The following SPIRE1 variants were observed in gnomAD, a reference collection of about 807,000 sequenced individuals.
SPIRE1 encodes the protein spire type actin nucleation factor 1.
SPIRE1 carries 40 observed loss-of-function variants against 94.1 expected under a neutral mutation model. That is an observed-to-expected ratio of 0.43 (90% confidence interval 0.33 to 0.55). SPIRE1 has a LOEUF of 0.55. Ranked by LOEUF, SPIRE1 falls within the 20% of genes least tolerant of loss-of-function variation. The pLI, the probability that SPIRE1 is intolerant of heterozygous loss-of-function variation, is 0.06. For missense variants in SPIRE1, 838 were observed against 975.2 expected (o/e 0.86, Z 1.87); for synonymous variants, 376 against 371.7 (o/e 1.01, Z -0.13).
intron 2 of SPIRE1, among the ~76,000 whole-genome samples, chr18:12,617,430 G>C (rs2037344380): frequency 6.6e-6 from 1 of 151,566 alleles, no homozygotes; most frequent in African/African-American, 2.4e-5. Flanking sequence ...GTTTGTTTTG[G>C]AGACAGAGTT....
At chr18:12,458,125 T>A (rs1238911498) in intron 12 of SPIRE1, among the ~76,000 whole-genome samples, 1 of 151,368 alleles carries the variant, frequency 6.6e-6, no homozygotes, top group African/African-American at 2.4e-5. Context: ...ATTACAGGCG[T>A]GAGCCACTGT....
chr18:12,560,329 A>C (rs1280693721), intron 2 of SPIRE1, among the ~76,000 whole-genome samples: 1 of 152,218 alleles, frequency 6.6e-6, no homozygotes, highest in Non-Finnish European at 1.5e-5. Flanking sequence ...ATTTGGAAAC[A>C]ACCTAAGTGT....
At chr18:12,513,489 CTTTATTTATTTATTTATTTATTTATTTA>C (rs10580270) in intron 4 of SPIRE1, among the ~76,000 whole-genome samples, 1 of 142,928 alleles carries the variant, frequency 7.0e-6, no homozygotes, top group South Asian at 2.3e-4. Flanking sequence ...GAATACTTAA[CTTTATTTATTTATTTATTTATTTATTTA>C]TTTATTTATT....
intron 2 of SPIRE1, among the ~76,000 whole-genome samples, chr18:12,622,485 C>G (rs1392892885): frequency 3.0e-5 from 4 of 135,364 alleles, no homozygotes; most frequent in Non-Finnish European, 4.6e-5. Flanking sequence ...TGCAGTGGCG[C>G]GATCTTGGCT....
At chr18:12,661,293 A>C, upstream of SPIRE1, 1 of 802,186 alleles carries the variant, frequency 1.2e-6, no homozygotes. Flanking sequence ...GGGTGACAAG[A>C]GTGAGCCTTC....
At chr18:12,637,836 G>A (rs1048607468) in intron 1 of SPIRE1, among the ~76,000 whole-genome samples, 2 of 152,202 alleles carry the variant, frequency 1.3e-5, no homozygotes, top group African/African-American at 4.8e-5. Flanking sequence ...AACAATGATA[G>A]AGGAGTGCCA....
intron 8 of SPIRE1, among the ~76,000 whole-genome samples, chr18:12,491,697 C>T (rs1289150656): frequency 6.6e-6 from 1 of 152,090 alleles, no homozygotes; most frequent in Non-Finnish European, 1.5e-5. Context: ...GACACAACAA[C>T]GAACAAGACA....
chr18:12,631,593 A>G (rs1208929590), intron 2 of SPIRE1, among the ~76,000 whole-genome samples: 3 of 151,024 alleles, frequency 2.0e-5, no homozygotes, highest in Non-Finnish European at 4.4e-5. Flanking sequence ...ATAAAAAAAC[A>G]GGCCAGGCAC....
chr18:12,492,918 G>A (rs1163158114), intron 8 of SPIRE1, among the ~76,000 whole-genome samples, 154 bp downstream of exon 8: 2 of 152,116 alleles, frequency 1.3e-5, no homozygotes, highest in African/African-American at 4.8e-5. Context: ...GTGAGAGGGG[G>A]TATGTATACG....
rs2037965607 is a variant in SPIRE1, at chr18:12,637,446, GT to G, written c.338-2351del. ...AAGAGAATTACAAAGAAATCTATAA[GT>G]TTTTGTAGTACGTTTCTTGTTGGTA... On this transcript the variant is annotated intron_variant, in intron 1 of 16. Transcript: ENST00000409402. Among the ~76,000 whole-genome samples the G allele has an allele frequency of 2.0e-5, 3 of 151,846 alleles. No homozygotes were observed. In the South Asian group the frequency reaches 6.3e-4, roughly 32 times the overall value.
At position 12,453,664 on chromosome 18, in the gene SPIRE1, G is replaced by C. The variant is rs138157259; in HGVS notation, c.1777-526C>G. Among the ~76,000 whole-genome samples the C allele has an allele frequency of 9.6e-3, 1,456 of 152,132 alleles. 34 individuals carry two copies. The highest frequency in any genetic ancestry group is 0.033 in the African/African-American group (1,384 of 41,502). ...TTAGCCAGGATGGTCTCGATCTCCT[G>C]ACCTTGTGATCCGCCTGCCTAGGCC... is the stretch of plus-strand genomic sequence containing the variant. On this transcript the variant is annotated intron_variant, in intron 13 of 16. Coordinates refer to ENST00000409402, the MANE Select transcript of SPIRE1 (RefSeq NM_001128626.2).
intron 1 of SPIRE1, among the ~76,000 whole-genome samples, chr18:12,635,408 T>C (rs2037894933): frequency 6.6e-6 from 1 of 151,864 alleles, no homozygotes; most frequent in Non-Finnish European, 1.5e-5. Flanking sequence ...AGTCTTGCTT[T>C]CTTTTAAGAA....
intron 2 of SPIRE1, among the ~76,000 whole-genome samples, chr18:12,578,613 GA>G (rs1226474412): frequency 6.6e-6 from 1 of 152,110 alleles, no homozygotes; most frequent in Non-Finnish European, 1.5e-5. Context: ...CTCCAAGGTT[GA>G]TTTTTTTAAA....
intron 1 of SPIRE1, among the ~76,000 whole-genome samples, chr18:12,637,986 G>A (rs779544785): frequency 5.3e-5 from 8 of 152,156 alleles, no homozygotes; most frequent in Non-Finnish European, 1.2e-4. Context: ...AGTAACTCAC[G>A]GTAATATGAA....
intron 2 of SPIRE1, among the ~76,000 whole-genome samples, chr18:12,596,408 T>C (rs985246898): frequency 3.3e-5 from 5 of 152,228 alleles, no homozygotes; most frequent in Non-Finnish European, 7.3e-5. Context: ...AATTTTCTTT[T>C]AAATATAATA....
chr18:12,577,477 T>C (rs544741222), intron 2 of SPIRE1, among the ~76,000 whole-genome samples: 1 of 152,272 alleles, frequency 6.6e-6, no homozygotes, highest in African/African-American at 2.4e-5. Flanking sequence ...ATGTATCATA[T>C]ATCAAAATAT....
chr18:12,453,170 C>A, intron 13 of SPIRE1, 32 bp from the exon 14 acceptor site: 3 of 1,484,078 alleles, frequency 2.0e-6, no homozygotes, highest in South Asian at 2.4e-5. Flanking sequence ...GGAAAAAAAA[C>A]ATTGCCAACA....
intron 2 of SPIRE1, among the ~76,000 whole-genome samples, chr18:12,606,410 A>T (rs891194939): frequency 6.6e-6 from 1 of 152,218 alleles, no homozygotes; most frequent in East Asian, 1.9e-4. Flanking sequence ...AAAGAAACAA[A>T]GAAAAAGGAA....
chr18:12,617,972 G>GT (rs898526160), intron 2 of SPIRE1, among the ~76,000 whole-genome samples: 1 of 152,082 alleles, frequency 6.6e-6, no homozygotes, highest in Non-Finnish European at 1.5e-5. Flanking sequence ...AACAAATGAT[G>GT]TAAAAAAAAT....
Sources: allele counts gnomAD v4.1 joint callset (sites outside exome capture counted in the v4.1 genomes callset), GRCh38; gene constraint gnomAD v4.1.1; transcripts MANE v1.5; gene names NCBI Gene and HGNC (gene_info 2026-07-23, HGNC 2026-07-21).